FGF14: variants seen among roughly 807,000 people sequenced by gnomAD.
FGF14 encodes fibroblast growth factor 14, also known as fibroblast growth factor homologous factor 4.
FGF14 carries 5 observed loss-of-function variants against 25.5 expected under a neutral mutation model. That is an observed-to-expected ratio of 0.20 (90% CI 0.10 to 0.41). The LOEUF (loss-of-function observed/expected upper bound fraction) is 0.41, where lower values mean the gene tolerates loss of function less well. Ranked by LOEUF, FGF14 falls within the 10% of genes least tolerant of loss-of-function variation. FGF14 has a pLI of 1.00. For missense variants in FGF14, 222 were observed against 320.1 expected (o/e 0.69, Z 2.34); for synonymous variants, 138 against 118.3 (o/e 1.17, Z -1.08).
intron 1 of FGF14, among the ~76,000 whole-genome samples, chr13:102,296,426 G>A (rs73569780): frequency 0.041 from 6,257 of 152,204 alleles, 426 homozygotes; most frequent in African/African-American, 0.14. Context: ...GGGGTGGTCT[G>A]CAGAATAGGG....
intron 3 of FGF14, among the ~76,000 whole-genome samples, chr13:101,829,974 G>A (rs1233646500): frequency 6.6e-6 from 1 of 151,992 alleles, no homozygotes. Context: ...CCTTTTCATT[G>A]TGGCACAGGC....
rs58885639 is a variant in FGF14, at chr13:101,956,314, T to A, written c.209-81018A>T. Among the ~76,000 whole-genome samples, 3 of 151,954 alleles carry A rather than the reference T, an allele frequency of 2.0e-5. No individual in the cohort carries two copies. In the East Asian group the frequency reaches 5.8e-4, roughly 29 times the overall value. On this transcript the variant is annotated intron_variant, in intron 1 of 4. Transcript: ENST00000376131. ...ACATCTCTCTTTACATAAAACACAC[T>A]TGACATTGCGTATTATCATGTAACT...
At chr13:101,908,099 A>T (rs961263333) in intron 1 of FGF14, among the ~76,000 whole-genome samples, 2 of 152,136 alleles carry the variant, frequency 1.3e-5, no homozygotes, top group Non-Finnish European at 1.5e-5. Context: ...GTTTGAAGGG[A>T]AGTAAGGTAA....
chr13:102,365,611 T>G (rs2139065470), intron 1 of FGF14, among the ~76,000 whole-genome samples: 1 of 152,312 alleles, frequency 6.6e-6, no homozygotes, highest in East Asian at 1.9e-4. Context: ...CACTAAAATC[T>G]GTTAGATGTT....
intron 1 of FGF14, among the ~76,000 whole-genome samples, chr13:102,014,775 AT>A (rs1268611399): frequency 1.3e-5 from 2 of 152,086 alleles, no homozygotes; most frequent in African/African-American, 2.4e-5. Context: ...TGACAAACTT[AT>A]TTTTTTATAT....
At chr13:102,257,645 A>C (rs893608468) in intron 1 of FGF14, among the ~76,000 whole-genome samples, 1 of 151,932 alleles carries the variant, frequency 6.6e-6, no homozygotes, top group African/African-American at 2.4e-5. Context: ...TTGCATGTGC[A>C]TTTCTAACCA....
chr13:102,378,905 T>C (rs191146443), intron 1 of FGF14, among the ~76,000 whole-genome samples: 1 of 152,094 alleles, frequency 6.6e-6, no homozygotes, highest in East Asian at 1.9e-4. Context: ...TTACACAGGG[T>C]TACATAAAAC....
chr13:102,282,423 T>C (rs992741447), intron 1 of FGF14, among the ~76,000 whole-genome samples: 1 of 152,204 alleles, frequency 6.6e-6, no homozygotes, highest in African/African-American at 2.4e-5. Context: ...AATTATTTCA[T>C]CTGTCTTAAT....
At chr13:102,201,696 T>A (rs2049659692) in intron 1 of FGF14, among the ~76,000 whole-genome samples, 1 of 152,048 alleles carries the variant, frequency 6.6e-6, no homozygotes, top group Non-Finnish European at 1.5e-5. Flanking sequence ...CAGAGGGAAA[T>A]GTTTGGAAAG....
At chr13:102,007,799 G>A (rs16951712) in intron 1 of FGF14, among the ~76,000 whole-genome samples, 4,874 of 152,220 alleles carry the variant, frequency 0.032, 250 homozygotes, top group African/African-American at 0.11. Context: ...GGTTCTCCCG[G>A]GGATGTCTTT....
chr13:102,090,061 G>A (rs1384321762), intron 1 of FGF14, among the ~76,000 whole-genome samples: 3 of 152,166 alleles, frequency 2.0e-5, no homozygotes, highest in Admixed American at 6.5e-5. Context: ...AGCTTTATAT[G>A]TGCAAAATGG....
intron 1 of FGF14, among the ~76,000 whole-genome samples, chr13:101,988,441 C>T (rs1027694847): frequency 6.6e-6 from 1 of 151,920 alleles, no homozygotes; most frequent in African/African-American, 2.4e-5. Flanking sequence ...CAATAGCAAA[C>T]ACTTGGAACC....
chr13:102,103,858 CCTT>C (rs1258378303), intron 1 of FGF14, among the ~76,000 whole-genome samples: 6 of 152,078 alleles, frequency 3.9e-5, no homozygotes, highest in South Asian at 2.1e-4. Flanking sequence ...GCCAGAGGGT[CCTT>C]CTTCATTATC....
intron 1 of FGF14, among the ~76,000 whole-genome samples, chr13:101,949,313 G>C (rs9582541): frequency 0.17 from 25,548 of 152,012 alleles, 2,661 homozygotes; most frequent in African/African-American, 0.29. Flanking sequence ...TCACTGCCCA[G>C]TGTGGACTTC....
intron 3 of FGF14, among the ~76,000 whole-genome samples, chr13:101,797,638 T>C (rs995492144): frequency 1.3e-5 from 2 of 151,644 alleles, no homozygotes; most frequent in African/African-American, 2.4e-5. Flanking sequence ...GCTTTGAGAG[T>C]TGCACTCCAT....
At chr13:101,735,932 A>G (rs770751811) in intron 3 of FGF14, among the ~76,000 whole-genome samples, 1 of 152,206 alleles carries the variant, frequency 6.6e-6, no homozygotes, top group Non-Finnish European at 1.5e-5. Context: ...ATGTAACAAA[A>G]TCAAGAGAAA....
chr13:102,106,647 G>T (rs1200739990), intron 1 of FGF14, among the ~76,000 whole-genome samples: 1 of 151,596 alleles, frequency 6.6e-6, no homozygotes, highest in East Asian at 1.9e-4. Context: ...AGAAAGAAAA[G>T]AAAAGAAAAA....
At chr13:102,139,792 G>C (rs923745597) in intron 1 of FGF14, among the ~76,000 whole-genome samples, 1 of 152,134 alleles carries the variant, frequency 6.6e-6, no homozygotes, top group Admixed American at 6.5e-5. Flanking sequence ...TCAGCAGCTT[G>C]ATGCTGCAGG....
At chr13:102,324,869 C>T (rs2056371593) in intron 1 of FGF14, among the ~76,000 whole-genome samples, 1 of 152,120 alleles carries the variant, frequency 6.6e-6, no homozygotes, top group Admixed American at 6.6e-5. Context: ...CTCCTTAAAA[C>T]TCACCCCCTT....
Sources: gnomAD v4.1 joint callset for allele counts (sites outside exome capture counted in the v4.1 genomes callset) on GRCh38, gnomAD v4.1.1 for gene constraint, MANE v1.5 for transcripts, NCBI Gene and HGNC (gene_info 2026-07-23, HGNC 2026-07-21) for gene names.